Variants in ERICH6B observed in about 807,000 individuals in gnomAD.
ERICH6B encodes glutamate rich 6B.
Under a neutral mutation model 80.0 loss-of-function variants are expected in ERICH6B, and 69 were observed. The observed-to-expected ratio is 0.86, with a 90% CI of 0.71 to 1.05. The LOEUF (loss-of-function observed/expected upper bound fraction) is 1.05, where lower values mean the gene tolerates loss of function less well. Among genes scored for constraint, ERICH6B ranks in the 50% least tolerant of loss-of-function variants. The pLI is 0.00. For missense variants in ERICH6B, 754 were observed against 796.1 expected (o/e 0.95, Z 0.64); for synonymous variants, 283 against 291.9 (o/e 0.97, Z 0.31).
chr13:45,568,553 A>T, intron 8 of ERICH6B, 102 bp from the exon 9 acceptor site: 1 of 1,148,904 alleles, frequency 8.7e-7, no homozygotes, highest in Non-Finnish European at 1.2e-6. Context: ...ACACTTCAAC[A>T]TATTATTCTA....
At chr13:45,595,837 G>A (rs1383461745) in intron 3 of ERICH6B, among the ~76,000 whole-genome samples, 1 of 152,004 alleles carries the variant, frequency 6.6e-6, no homozygotes, top group Non-Finnish European at 1.5e-5. Flanking sequence ...TAGAGATGAG[G>A]TGTGGCTATG....
intron 11 of ERICH6B, among the ~76,000 whole-genome samples, chr13:45,557,770 A>G (rs1417063380): frequency 2.6e-5 from 4 of 152,126 alleles, no homozygotes; most frequent in Non-Finnish European, 5.9e-5. Context: ...TGGGTTCTCT[A>G]TTCTGTTCCA....
intron 9 of ERICH6B, among the ~76,000 whole-genome samples, chr13:45,567,860 G>A (rs1001199188): frequency 2.6e-5 from 4 of 152,216 alleles, no homozygotes; most frequent in African/African-American, 9.7e-5. Flanking sequence ...CCTTCAGGAT[G>A]CATGGAAAAG....
In ERICH6B at chr13:45,596,609, G is replaced by A. The variant is rs28667306; in HGVS notation, c.397C>T (p.His133Tyr). 6.9e-7 allele frequency: 1 copy of A among 1,441,450 alleles called. No individual in the cohort carries two copies. Among genetic ancestry groups the A allele is most frequent in the East Asian group, 2.5e-5 (1 of 39,634 alleles). 89.3% of individuals were successfully genotyped at this position (1,441,450 alleles called of 1,614,324 possible). A position where few individuals can be genotyped will look rare whatever the true frequency, so the allele number is the denominator to read the frequency against. ...CCCAGATACTCTTCCTCCTCCAGAT[G>A]CTCTTCCTTCCCCAGGTACTCTTCC... The part of the protein sequence containing the change: ...EEEEYLGKEE[H>Y]LEEEEYLGKE... The change falls in exon 3 of 15, where the codon CAT becomes TAT. Residue 133 changes from histidine (H) to tyrosine (Y), a missense_variant. Coordinates refer to ENST00000298738, the MANE Select transcript of ERICH6B (RefSeq NM_182542.3).
chr13:45,608,399 T>A (rs2138038864), intron 1 of ERICH6B, among the ~76,000 whole-genome samples: 1 of 152,294 alleles, frequency 6.6e-6, no homozygotes, highest in Non-Finnish European at 1.5e-5. Context: ...CCACACACTT[T>A]CCTGCTTTTT....
chr13:45,565,773 T>C (rs1874886624), intron 9 of ERICH6B, among the ~76,000 whole-genome samples: 1 of 152,232 alleles, frequency 6.6e-6, no homozygotes, highest in South Asian at 2.1e-4. Flanking sequence ...TGGGCATGTC[T>C]TTATCAGCAG....
At chr13:45,555,851 C>T (rs550182915) in intron 11 of ERICH6B, among the ~76,000 whole-genome samples, 64 of 151,796 alleles carry the variant, frequency 4.2e-4, no homozygotes, top group African/African-American at 1.5e-3. Flanking sequence ...AGCTTTGTGT[C>T]CTTGAGGCAG....
At chr13:45,591,575 G>A (rs1239970086) in intron 3 of ERICH6B, among the ~76,000 whole-genome samples, 4 of 152,082 alleles carry the variant, frequency 2.6e-5, no homozygotes, top group East Asian at 3.8e-4. Context: ...CAGCCTGGGC[G>A]ACAGAGCAAG....
At chr13:45,548,485 G>A (rs748363922) in intron 13 of ERICH6B, among the ~76,000 whole-genome samples, 1 of 152,202 alleles carries the variant, frequency 6.6e-6, no homozygotes, top group Admixed American at 6.5e-5. Flanking sequence ...AGCTGCCCCT[G>A]GGGGAAGGAA....
chr13:45,556,687 AAT>A (rs950747806), intron 11 of ERICH6B, among the ~76,000 whole-genome samples: 3 of 152,180 alleles, frequency 2.0e-5, no homozygotes, highest in Non-Finnish European at 2.9e-5. Context: ...CACTTAGAAT[AAT>A]AGTCTCCAAT....
chr13:45,571,274 G>C (rs372007977), intron 8 of ERICH6B, among the ~76,000 whole-genome samples: 2 of 152,062 alleles, frequency 1.3e-5, no homozygotes, highest in Non-Finnish European at 2.9e-5. Context: ...ATCATGACTA[G>C]TTTTCGTAAG....
In ERICH6B at chr13:45,580,655, T is replaced by TA. The variant is rs1282700452; in HGVS notation, c.866dup (p.Leu289PhefsTer22). 6.4e-6 allele frequency: 10 copies of TA among 1,551,730 alleles called. No homozygotes were observed. The highest frequency in any genetic ancestry group is 1.7e-4 in the Middle Eastern group (1 of 5,992). The stretch of plus-strand genomic sequence containing the variant: ...CTTGCTCTGTTTCTGATTTCGATTT[T>TA]AAAGATTTTACTGTTAAAAGGCAGA... On this transcript the variant is annotated frameshift_variant, in exon 6 of 15. Coordinates refer to ENST00000298738, the MANE Select transcript of ERICH6B (RefSeq NM_182542.3). LOFTEE classifies it high-confidence loss of function.
intron 11 of ERICH6B, among the ~76,000 whole-genome samples, chr13:45,556,947 A>G (rs1195324573): frequency 2.0e-5 from 3 of 152,124 alleles, no homozygotes; most frequent in Non-Finnish European, 4.4e-5. Flanking sequence ...CCTCTGGGTA[A>G]ATACTCAGTA....
intron 11 of ERICH6B, chr13:45,552,827 G>A (rs546486552): frequency 6.2e-5 from 10 of 161,096 alleles, no homozygotes; most frequent in Non-Finnish European, 1.1e-4. Context: ...ATGAGTCCTC[G>A]TTTCTAGTGC....
At chr13:45,601,958 A>G (rs115716365) in intron 2 of ERICH6B, among the ~76,000 whole-genome samples, 271 of 152,290 alleles carry the variant, frequency 1.8e-3, no homozygotes, top group African/African-American at 6.2e-3. Flanking sequence ...ATTATTGCAC[A>G]CTTATTCCTA....
rs554373326 is a variant in ERICH6B at position 45,549,243 on chromosome 13, C to T, written c.1646+650G>A. On this transcript the variant is annotated intron_variant, in intron 13 of 14. Transcript: ENST00000298738. ...AGGTTGCAATGAGCCGAGATGACAC[C>T]ATTGCACTCCAGCTTGGGCCGCAGA... Among the ~76,000 whole-genome samples the T allele has an allele frequency of 1.5e-3, 229 of 151,382 alleles. 2 individuals carry two copies. Among genetic ancestry groups the T allele is most frequent in the African/African-American group, 4.7e-3 (193 of 41,230 alleles).
chr13:45,593,748 T>A (rs945177504), intron 3 of ERICH6B, among the ~76,000 whole-genome samples: 19 of 152,216 alleles, frequency 1.2e-4, no homozygotes, highest in Non-Finnish European at 2.5e-4. Flanking sequence ...CCCTTCACTC[T>A]CTGCTCCTGT....
chr13:45,549,796 C>T lies in ERICH6B; in HGVS notation c.1646+97G>A. The stretch of plus-strand genomic sequence containing the variant: ...TCTCCCATTTCCAACATGTGTAACT[C>T]TGAGACAGGGAGGAAGTTCATACAG... On this transcript the variant is annotated intron_variant, in intron 13 of 14. Coordinates refer to ENST00000298738, the MANE Select transcript of ERICH6B (RefSeq NM_182542.3). 1.3e-5 allele frequency: 18 copies of T among 1,353,366 alleles called. 2 individuals carry two copies. The South Asian group carries it at 2.7e-4, about 20-fold the overall frequency. The allele number at this position is 1,353,366 out of a possible 1,614,324, so 83.8% of individuals were successfully genotyped here.
At chr13:45,563,238 A>T (rs1420993732) in intron 10 of ERICH6B, among the ~76,000 whole-genome samples, 2 of 152,142 alleles carry the variant, frequency 1.3e-5, no homozygotes, top group Non-Finnish European at 2.9e-5. Context: ...AATCTGTGTT[A>T]GATCCCTTAC....
Sources: gnomAD v4.1 joint callset for allele counts (sites outside exome capture counted in the v4.1 genomes callset) on GRCh38, gnomAD v4.1.1 for gene constraint, MANE v1.5 for transcripts, NCBI Gene and HGNC (gene_info 2026-07-23, HGNC 2026-07-21) for gene names.